ERBB2: variants seen among roughly 807,000 people sequenced by gnomAD.
The protein encoded by ERBB2 is erb-b2 receptor tyrosine kinase 2, also known as receptor tyrosine-protein kinase erbB-2.
Under a neutral mutation model 149.0 loss-of-function variants are expected in ERBB2, and 61 were observed. That is an observed-to-expected ratio of 0.41 (90% confidence interval 0.33 to 0.51). The LOEUF (loss-of-function observed/expected upper bound fraction) is 0.51. Ranked by LOEUF, ERBB2 falls within the 20% of genes least tolerant of loss-of-function variation. The pLI is 0.25. For missense variants in ERBB2, 1,205 were observed against 1,655.1 expected, an observed-to-expected ratio of 0.73 and a Z score of 4.72; for synonymous variants, 633 against 678.8, an observed-to-expected ratio of 0.93 and a Z score of 1.05.
rs2059755087 is a variant in ERBB2 at position 39,726,310 on chromosome 17, G to T, written c.2873-252G>T. The stretch of plus-strand genomic sequence containing the variant: ...ATTGCACCACTGAAATCCAGCCTGG[G>T]TGACAGAGCGAAACCTCATCTCAAA... On this transcript the variant is annotated intron_variant, in intron 23 of 26. Transcript: ENST00000269571. This position sits in a 1 kb window ranked among gnomAD's most constrained non-coding sequence, Gnocchi z 5.1. The T allele has an allele frequency of 1.9e-6, 1 of 518,136 alleles. No homozygotes were observed. Among genetic ancestry groups the T allele is most frequent in the African/African-American group, 1.9e-5 (1 of 52,524 alleles). 32.1% of individuals were successfully genotyped at this position (518,136 alleles called of 1,614,324 possible).
At chr17:39,697,114 G>A (rs2057880475), upstream of ERBB2, among the ~76,000 whole-genome samples, 1 of 152,102 alleles carries the variant, frequency 6.6e-6, no homozygotes, top group Non-Finnish European at 1.5e-5. Context: ...GACATCCTGG[G>A]CAAATTGCTT....
At chr17:39,715,983 C>T (rs2145663393) in intron 12 of ERBB2, 44 bp downstream of exon 12, 1 of 1,573,008 alleles carries the variant, frequency 6.4e-7, no homozygotes, top group Non-Finnish European at 8.6e-7. Context: ...TCTGCCAGCA[C>T]ACAGCAGTGC....
rs2145811198 is a variant in ERBB2 at position 39,723,528 on chromosome 17, C to G, written c.2086-10C>G. ...GCCCCCGGCACTGACCCACCACCCCCTCACCCCAGCTGGTGGAGCCGCTGA... is the reference window on the plus strand; with the variant it reads ...GCCCCCGGCACTGACCCACCACCCCGTCACCCCAGCTGGTGGAGCCGCTGA... On this transcript the variant is annotated splice_polypyrimidine_tract_variant and intron_variant, in intron 17 of 26. Transcript: ENST00000269571. The surrounding 1 kb of genome is among the most constrained non-coding windows in gnomAD (Gnocchi z 6.2). 6.2e-7 allele frequency: 1 copy of G among 1,612,554 alleles called. No homozygotes were observed. The highest frequency in any genetic ancestry group is 1.1e-5 in the South Asian group (1 of 90,906).
intron 1 of ERBB2, among the ~76,000 whole-genome samples, chr17:39,701,522 G>A (rs1005222515): frequency 6.6e-6 from 1 of 152,148 alleles, no homozygotes; most frequent in Non-Finnish European, 1.5e-5. Context: ...GTCGTGGGTG[G>A]TCTCCATAGG....
intron 4 of ERBB2, 29 bp downstream of exon 4, chr17:39,709,481 T>C (rs1260419442): frequency 6.2e-7 from 1 of 1,612,692 alleles, no homozygotes; most frequent in Non-Finnish European, 8.5e-7. Context: ...TGCTGCCTCT[T>C]CTCTCAGACA....
chr17:39,717,595 C>T (rs977415447), intron 15 of ERBB2, 115 bp downstream of exon 15: 5 of 819,254 alleles, frequency 6.1e-6, no homozygotes, highest in Non-Finnish European at 9.3e-6. Context: ...TTTCTGATGA[C>T]AAAAATAACA....
upstream of ERBB2, among the ~76,000 whole-genome samples, chr17:39,697,262 A>G (rs1417145743): frequency 6.6e-6 from 1 of 152,066 alleles, no homozygotes; most frequent in Non-Finnish European, 1.5e-5. Context: ...GGTCCAAGGA[A>G]TAAGTTAATT....
intron 1 of ERBB2, chr17:39,703,560 T>G (rs1215948257): frequency 6.6e-6 from 1 of 152,276 alleles, no homozygotes; most frequent in Non-Finnish European, 1.5e-5. Context: ...TTAACTCTCA[T>G]GTACCTCCTC....
chr17:39,709,668 G>T, intron 4 of ERBB2, 145 bp from the exon 5 acceptor site: 1 of 943,176 alleles, frequency 1.1e-6, no homozygotes, highest in Non-Finnish European at 1.6e-6. Context: ...CTCTGGTTTG[G>T]GGGCCTCTCA....
At position 39,725,805 on chromosome 17, in the gene ERBB2, C is replaced by T. The variant is rs769262054; in HGVS notation, c.2824C>T (p.Pro942Ser). The change falls in exon 23 of 27, where the codon CCC becomes TCC. Residue 942 changes from proline (P) to serine (S), a missense_variant. Pro to Ser is a moderately conservative substitution (Grantham distance 74). Coordinates refer to ENST00000269571, the MANE Select transcript of ERBB2 (RefSeq NM_004448.4). This position sits in a 1 kb window ranked among gnomAD's most constrained non-coding sequence, Gnocchi z 4.6. ...PDLLEKGERL[P>S]QPPICTIDVY... ...CCTGCTGGAAAAGGGGGAGCGGCTG[C>T]CCCAGCCCCCCATCTGCACCATTGA... 8 of 1,613,482 alleles carry T rather than the reference C, an allele frequency of 5.0e-6. No homozygotes were observed. Among genetic ancestry groups the T allele is most frequent in the Non-Finnish European group, 6.8e-6 (8 of 1,179,840 alleles).
chr17:39,706,372 C>T (rs2058438732), intron 1 of ERBB2, among the ~76,000 whole-genome samples: 2 of 152,176 alleles, frequency 1.3e-5, no homozygotes, highest in African/African-American at 2.4e-5. Context: ...TGGAATCTGA[C>T]GCTCCTTTTC....
Position 39,715,877 on chromosome 17 carries a change from A to G in ERBB2, c.1451A>G (p.Gln484Arg), listed in dbSNP as rs2145657529. 6.2e-7 allele frequency: 1 copy of G among 1,612,674 alleles called. No individual in the cohort carries two copies. The highest frequency in any genetic ancestry group is 8.5e-7 in the Non-Finnish European group (1 of 1,180,008). Residue 484 changes from glutamine (Q) to arginine (R), a missense_variant, in exon 12 of 27, where the codon CAG (glutamine) becomes CGG (arginine). Physicochemically the swap from Gln to Arg is conservative, Grantham distance 43. This residue lies in a region of ERBB2 where 569 missense variants were observed against 803.5 expected (regional missense o/e 0.71). Coordinates refer to ENST00000269571, the MANE Select transcript of ERBB2 (RefSeq NM_004448.4). ...LCFVHTVPWD[Q>R]LFRNPHQALL... ...TTCGTGCACACGGTGCCCTGGGACC[A>G]GCTCTTTCGGAACCCGCACCAAGCT...
intron 16 of ERBB2, 90 bp downstream of exon 16, chr17:39,719,924 G>C (rs2059357580): frequency 8.2e-7 from 1 of 1,220,052 alleles, no homozygotes; most frequent in South Asian, 1.2e-5. Context: ...GGGACCCCCT[G>C]ACATATGTCC....
rs1336531572 is a variant in ERBB2 at position 39,714,863 on chromosome 17, G to A, written c.1149-423G>A. Among the ~76,000 whole-genome samples the A allele has an allele frequency of 3.4e-5, 5 of 148,888 alleles. No homozygotes were observed. In the South Asian group the frequency reaches 6.4e-4, roughly 19 times the overall value. ...CGGCTCACTGCAACCTCTGCCTCCC[G>A]GGTTCAAGTGATTCTCCTGCCTCAG... On this transcript the variant is annotated intron_variant, in intron 9 of 26. Transcript: ENST00000269571.
At chr17:39,706,360 A>T (rs551897262) in intron 1 of ERBB2, among the ~76,000 whole-genome samples, 74 of 152,278 alleles carry the variant, frequency 4.9e-4, no homozygotes, top group African/African-American at 1.7e-3. Flanking sequence ...GATGCCCACA[A>T]CTGGAATCTG....
upstream of ERBB2, among the ~76,000 whole-genome samples, chr17:39,691,574 T>TATATATATAC (rs1244087250): frequency 8.2e-6 from 1 of 122,064 alleles, no homozygotes; most frequent in African/African-American, 4.0e-5. Context: ...TATATATATA[T>TATATATATAC]ACACACACAC....
intron 3 of ERBB2, 106 bp from the exon 4 acceptor site, chr17:39,709,212 G>A (rs2145462910): frequency 7.6e-7 from 1 of 1,312,812 alleles, no homozygotes; most frequent in Non-Finnish European, 1.1e-6. Flanking sequence ...GGGAATCTGG[G>A]GGTTGTTTAA....
chr17:39,697,122 C>G (rs1240097076), upstream of ERBB2, among the ~76,000 whole-genome samples: 2 of 152,116 alleles, frequency 1.3e-5, no homozygotes, highest in Non-Finnish European at 2.9e-5. Context: ...GGGCAAATTG[C>G]TTACCTCAGT....
intron 19 of ERBB2, among the ~76,000 whole-genome samples, chr17:39,724,412 A>C (rs1373581169): frequency 6.6e-6 from 1 of 151,628 alleles, no homozygotes. Flanking sequence ...GGCGCGAGCC[A>C]CCACGCCCGG....
Sources: allele counts gnomAD v4.1 joint callset (sites outside exome capture counted in the v4.1 genomes callset), GRCh38; gene constraint gnomAD v4.1.1; regional missense constraint gnomAD v4.1.1; non-coding constraint Gnocchi (gnomAD v3.1); transcripts MANE v1.5; gene names NCBI Gene and HGNC (gene_info 2026-07-23, HGNC 2026-07-21).